Variants in POR observed in about 807,000 individuals in gnomAD.
POR encodes NADPH--cytochrome P450 reductase.
In POR, 56 loss-of-function variants were observed where a neutral mutation model predicts 84.0. The ratio of observed to expected loss-of-function variants is 0.67; its 90% CI spans 0.54 to 0.83. The LOEUF (loss-of-function observed/expected upper bound fraction) is 0.83. POR is among the 40% of genes least tolerant of loss of function. POR has a pLI of 0.00. For missense variants in POR, 938 were observed against 944.3 expected (o/e 0.99, Z 0.09); for synonymous variants, 414 against 400.5 (o/e 1.03, Z -0.40).
intron 8 of POR, chr7:75,983,298 G>T: frequency 2.0e-6 from 1 of 495,922 alleles, no homozygotes; most frequent in Non-Finnish European, 3.6e-6. Context: ...CCGAGATCGC[G>T]CCGCTGCACT....
At chr7:75,933,641 T>A (rs1389609406) in intron 1 of POR, among the ~76,000 whole-genome samples, 1 of 152,196 alleles carries the variant, frequency 6.6e-6, no homozygotes, top group East Asian at 1.9e-4. Flanking sequence ...TCCACCTGCC[T>A]GGGCCTCCCA....
chr7:75,975,814 A>ATATTTTTT (rs1554556747), intron 3 of POR, among the ~76,000 whole-genome samples: 6 of 82,186 alleles, frequency 7.3e-5, no homozygotes, highest in Non-Finnish European at 1.4e-4. Context: ...AGCTGTTCAG[A>ATATTTTTT]TTTTTTTTTT....
At chr7:75,935,956 C>T (rs1421695613) in intron 1 of POR, among the ~76,000 whole-genome samples, 2 of 151,754 alleles carry the variant, frequency 1.3e-5, no homozygotes, top group African/African-American at 2.4e-5. Flanking sequence ...TCCTCTATGA[C>T]CACTCCTATT....
chr7:75,919,407 G>GTA (rs1806743770), intron 1 of POR, among the ~76,000 whole-genome samples: 1 of 151,882 alleles, frequency 6.6e-6, no homozygotes, highest in Admixed American at 6.6e-5. Flanking sequence ...GTGTGTGTGT[G>GTA]TATGCATATA....
At chr7:75,944,514 T>G (rs1380822140) in intron 1 of POR, among the ~76,000 whole-genome samples, 1 of 152,100 alleles carries the variant, frequency 6.6e-6, no homozygotes, top group Non-Finnish European at 1.5e-5. Context: ...GCCTGGGCAA[T>G]AGAGACAGAC....
Position 75,915,556 on chromosome 7 carries a change from C to T in POR, c.-5+377C>T, listed in dbSNP as rs1456658364. 3 of 152,306 alleles carry T rather than the reference C, an allele frequency of 2.0e-5. No individual in the cohort carries two copies. In the East Asian group the frequency reaches 5.8e-4, roughly 29 times the overall value. 9.4% of individuals were successfully genotyped at this position (152,306 alleles called of 1,614,324 possible). A position where few individuals can be genotyped will look rare whatever the true frequency, so the allele number is the denominator to read the frequency against. On this transcript the variant is annotated intron_variant, in intron 1 of 15. Transcript: ENST00000461988. The stretch of plus-strand genomic sequence containing the variant: ...ACTTTAACTCTCCGAGCCTCAGTTT[C>T]CCCATCTGTACGATGAATGGGCCTC...
chr7:75,981,274 C>A lies in POR; in HGVS notation c.641+102C>A, dbSNP rs1013007716. On this transcript the variant is annotated intron_variant, in intron 6 of 15. Transcript: ENST00000461988. ...CATTGTGTCAGCTGAGACTCAGCGA[C>A]ACGCACCTCCAACACAGAGGGAAGG... 2.1e-6 allele frequency: 3 copies of A among 1,429,802 alleles called. No homozygotes were observed. In the Admixed American group the frequency reaches 7.6e-5, roughly 36 times the overall value. The allele number at this position is 1,429,802 out of a possible 1,614,324, so 88.6% of individuals were successfully genotyped here.
chr7:75,923,333 CCT>C, intron 1 of POR: 1 of 951,606 alleles, frequency 1.1e-6, no homozygotes. Flanking sequence ...CCCCTTTCCA[CCT>C]CTCAGTGGAC....
At chr7:75,967,949 A>G (rs1788257158) in intron 2 of POR, 3 of 428,072 alleles carry the variant, frequency 7.0e-6, no homozygotes, top group African/African-American at 2.0e-5. Flanking sequence ...CCACGGGCCC[A>G]GGCAACTTCC....
rs781998516 is a variant in POR at position 75,986,410 on chromosome 7, C to A, written c.1972C>A (p.His658Asn). ...CGTGGCTGAGCTCGGGGCCATGGAG[C>A]ACGCGCAGGCGGTGGACTACATCAA... is the stretch of plus-strand genomic sequence containing the variant. Residue 658 changes from histidine (H) to asparagine (N), a missense_variant, in exon 16 of 16, where the codon CAC becomes AAC. Transcript: ENST00000461988. 8.7e-6 allele frequency: 14 copies of A among 1,612,566 alleles called. No homozygotes were observed. The East Asian group carries it at 8.9e-5, about 10-fold the overall frequency.
intron 1 of POR, chr7:75,923,006 A>G (rs1427652170): frequency 3.0e-6 from 2 of 672,504 alleles, no homozygotes; most frequent in Non-Finnish European, 2.7e-6. Context: ...CCAGATAAAC[A>G]TTCCTTGGCC....
intron 2 of POR, among the ~76,000 whole-genome samples, chr7:75,958,377 C>T (rs1787776050): frequency 6.6e-6 from 1 of 152,072 alleles, no homozygotes; most frequent in Non-Finnish European, 1.5e-5. Context: ...CTCGGCCTCC[C>T]AAAGTGCTGG....
At chr7:75,967,299 T>A (rs1554555415) in intron 2 of POR, among the ~76,000 whole-genome samples, 2 of 152,178 alleles carry the variant, frequency 1.3e-5, no homozygotes, top group Non-Finnish European at 2.9e-5. Flanking sequence ...ATGGGCTGTT[T>A]GCACTCGGGA....
intron 2 of POR, among the ~76,000 whole-genome samples, chr7:75,955,469 G>A (rs1008303956): frequency 3.3e-5 from 5 of 152,090 alleles, no homozygotes; most frequent in South Asian, 2.1e-4. Flanking sequence ...TACTTCCTGC[G>A]GTTACGCTTG....
chr7:75,944,740 A>G lies in POR; in HGVS notation c.-4-9249A>G, dbSNP rs539278403. ...AACAGATGTCTTAGAACCGAAATAT[A>G]CAATAGTCAAAATAGGAAACTGAAT... is the stretch of plus-strand genomic sequence containing the variant. On this transcript the variant is annotated intron_variant, in intron 1 of 15. Transcript: ENST00000461988. 2.0e-5 allele frequency among the ~76,000 whole-genome samples: 3 copies of G among 152,296 alleles called. No homozygotes were observed. The East Asian group carries it at 5.8e-4, about 29-fold the overall frequency.
chr7:75,917,463 C>T (rs1431283572), intron 1 of POR, among the ~76,000 whole-genome samples: 1 of 148,320 alleles, frequency 6.7e-6, no homozygotes, highest in African/African-American at 2.5e-5. Flanking sequence ...GCCGCCCCTA[C>T]AAGAGCTTCG....
intron 1 of POR, among the ~76,000 whole-genome samples, chr7:75,930,045 T>C (rs995351710): frequency 3.3e-5 from 5 of 152,200 alleles, no homozygotes; most frequent in Admixed American, 1.3e-4. Context: ...AGTAACTTGC[T>C]TGGTCCTTAG....
chr7:75,940,448 G>C (rs1229163331), intron 1 of POR, among the ~76,000 whole-genome samples: 1 of 151,842 alleles, frequency 6.6e-6, no homozygotes, highest in Non-Finnish European at 1.5e-5. Flanking sequence ...CAGATTCAAA[G>C]CAGCCAATTA....
rs111742126 is a variant in POR, at chr7:75,927,916, C to T, written c.-5+12737C>T. On this transcript the variant is annotated intron_variant, in intron 1 of 15. Transcript: ENST00000461988. The stretch of plus-strand genomic sequence containing the variant: ...GAACTCCTGACCTCAAGTGATCTTG[C>T]CCTCCTCGGCCTGAGGCATGAGCCA... Among the ~76,000 whole-genome samples the T allele has an allele frequency of 3.9e-3, 593 of 151,074 alleles. 4 individuals carry two copies. Among genetic ancestry groups the T allele is most frequent in the African/African-American group, 0.012 (477 of 41,132 alleles).
Sources: allele counts gnomAD v4.1 joint callset (sites outside exome capture counted in the v4.1 genomes callset), GRCh38; gene constraint gnomAD v4.1.1; transcripts MANE v1.5; gene names NCBI Gene and HGNC (gene_info 2026-07-23, HGNC 2026-07-21).